Variants in ABHD12 observed in about 807,000 individuals in gnomAD.
ABHD12 encodes the protein abhydrolase domain containing 12, lysophospholipase.
ABHD12 carries 43 observed loss-of-function variants against 58.3 expected under a neutral mutation model. The observed-to-expected ratio is 0.74, with a 90% CI of 0.58 to 0.95. The LOEUF is 0.95. Ranked by LOEUF, ABHD12 falls within the 40% of genes least tolerant of loss-of-function variation. The pLI is 0.00. For missense variants in ABHD12, 539 were observed against 537.2 expected, an observed-to-expected ratio of 1.00 and a Z score of -0.03; for synonymous variants, 219 against 211.2, an observed-to-expected ratio of 1.04 and a Z score of -0.32.
chr20:25,370,794 G>C (rs1366321948), intron 1 of ABHD12, among the ~76,000 whole-genome samples: 2 of 151,838 alleles, frequency 1.3e-5, no homozygotes, highest in African/African-American at 4.8e-5. Context: ...ACGGTATCTG[G>C]TACACAGTTC....
At position 25,353,637 on chromosome 20, in the gene ABHD12, C is replaced by T. The variant is rs146459761; in HGVS notation, c.192-14286G>A. Among the ~76,000 whole-genome samples, 15 of 152,318 alleles carry T rather than the reference C, an allele frequency of 9.8e-5. No homozygotes were observed. The East Asian group carries it at 2.9e-3, about 29-fold the overall frequency. ...AGGACTGAGAATGTTAGCTTCTACC[C>T]CCGGCAGGCAGACCCTTGGCTCTTA... On this transcript the variant is annotated intron_variant, in intron 1 of 12. Transcript: ENST00000339157.
At chr20:25,374,339 A>G (rs974049520) in intron 1 of ABHD12, among the ~76,000 whole-genome samples, 42 of 152,194 alleles carry the variant, frequency 2.8e-4, no homozygotes, top group African/African-American at 1.0e-3. Context: ...TTTCTTTAGC[A>G]GTGTTTAATC....
At chr20:25,318,566 C>T (rs904055184) in intron 4 of ABHD12, among the ~76,000 whole-genome samples, 8 of 151,740 alleles carry the variant, frequency 5.3e-5, no homozygotes, top group East Asian at 3.9e-4. Flanking sequence ...GTGGGGGTGG[C>T]GAGGACTGCA....
At chr20:25,375,291 C>A (rs909294036) in intron 1 of ABHD12, among the ~76,000 whole-genome samples, 8 of 152,234 alleles carry the variant, frequency 5.3e-5, no homozygotes, top group African/African-American at 1.9e-4. Context: ...GTAGCCCTCA[C>A]AAACCCATAC....
rs2089336642 is a variant in ABHD12, at chr20:25,334,865, T to C, written c.316+4362A>G. ...ACCATAAAAACCCTAGAAGAAAACC[T>C]AGGCATTACCATTCAGGACATAGGC... On this transcript the variant is annotated intron_variant, in intron 2 of 12. Coordinates refer to ENST00000339157, the MANE Select transcript of ABHD12 (RefSeq NM_001042472.3). Among the ~76,000 whole-genome samples, 2 of 149,958 alleles carry C rather than the reference T, an allele frequency of 1.3e-5. 1 individual carries two copies. The highest frequency in any genetic ancestry group is 1.3e-4 in the Admixed American group (2 of 15,054).
At chr20:25,318,697 T>C (rs1210146893) in intron 4 of ABHD12, among the ~76,000 whole-genome samples, 1 of 151,442 alleles carries the variant, frequency 6.6e-6, no homozygotes. Flanking sequence ...TGATGGGCAC[T>C]GCAGAACTGA....
At chr20:25,297,556 G>C (rs199565904), downstream of ABHD12, 2 of 152,310 alleles carry the variant, frequency 1.3e-5, no homozygotes, top group Non-Finnish European at 2.9e-5. Context: ...ACCCATTTGT[G>C]CTCTGCTTGG....
rs1021848603 is a variant in ABHD12, at chr20:25,323,534, C to A, written c.317-104G>T. The A allele has an allele frequency of 1.2e-5, 9 of 767,032 alleles. No individual in the cohort carries two copies. In the Middle Eastern group the frequency reaches 1.9e-3, roughly 164 times the overall value. The allele number at this position is 767,032 out of a possible 1,614,324, so 47.5% of individuals were successfully genotyped here. On this transcript the variant is annotated intron_variant, in intron 2 of 12. Coordinates refer to ENST00000339157, the MANE Select transcript of ABHD12 (RefSeq NM_001042472.3). ...ACACGTGCACAGATATGCATCCACACGTGCACACACACACATGCACACCCA... is the reference window on the plus strand; with the variant it reads ...ACACGTGCACAGATATGCATCCACAAGTGCACACACACACATGCACACCCA...
rs149899781 is a variant in ABHD12 at position 25,323,003 on chromosome 20, G to A, written c.422+322C>T. Reference sequence around the variant, plus strand: ...CTCCCAAAGTGCTGGGATTACAGGTGTGAGCCACTGTGCCGGCCACTTATA... The same window carrying A: ...CTCCCAAAGTGCTGGGATTACAGGTATGAGCCACTGTGCCGGCCACTTATA... On this transcript the variant is annotated intron_variant, in intron 3 of 12. Transcript: ENST00000339157. 1.3e-3 allele frequency among the ~76,000 whole-genome samples: 205 copies of A among 152,340 alleles called. 1 individual carries two copies. Among genetic ancestry groups the A allele is most frequent in the African/African-American group, 4.6e-3 (193 of 41,574 alleles).
intron 1 of ABHD12, among the ~76,000 whole-genome samples, chr20:25,348,038 C>T (rs546915906): frequency 7.1e-4 from 107 of 151,710 alleles, no homozygotes; most frequent in Non-Finnish European, 1.3e-3. Context: ...GGTGAAAACC[C>T]GTCTCTATCA....
chr20:25,306,955 A>T, intron 9 of ABHD12, 40 bp from the exon 10 acceptor site: 1 of 1,462,892 alleles, frequency 6.8e-7, no homozygotes, highest in Non-Finnish European at 9.5e-7. Context: ...AGCGTTGGTT[A>T]AGATATCCAG....
At chr20:25,380,740 G>A (rs1415142197) in intron 1 of ABHD12, among the ~76,000 whole-genome samples, 1 of 152,078 alleles carries the variant, frequency 6.6e-6, no homozygotes, top group Non-Finnish European at 1.5e-5. Context: ...TGACTCCTCT[G>A]TCCTGACTTG....
At chr20:25,362,405 A>G (rs2089761732) in intron 1 of ABHD12, among the ~76,000 whole-genome samples, 1 of 151,268 alleles carries the variant, frequency 6.6e-6, no homozygotes, top group South Asian at 2.1e-4. Flanking sequence ...CGTGTCTACT[A>G]AAAATACAAA....
At chr20:25,295,311 C>T (rs1209940802), downstream of ABHD12, among the ~76,000 whole-genome samples, 1 of 152,276 alleles carries the variant, frequency 6.6e-6, no homozygotes, top group Non-Finnish European at 1.5e-5. Context: ...GCAGCTCTAA[C>T]TGCCCTGCGT....
At chr20:25,382,146 A>C (rs1168774923) in intron 1 of ABHD12, among the ~76,000 whole-genome samples, 1 of 152,216 alleles carries the variant, frequency 6.6e-6, no homozygotes, top group Non-Finnish European at 1.5e-5. Context: ...AACTCACCCA[A>C]GCCAGAGAAT....
At chr20:25,383,440 T>C (rs2090045780) in intron 1 of ABHD12, among the ~76,000 whole-genome samples, 1 of 152,228 alleles carries the variant, frequency 6.6e-6, no homozygotes, top group African/African-American at 2.4e-5. Context: ...GTACATCTCA[T>C]GACTGCCTTC....
intron 1 of ABHD12, among the ~76,000 whole-genome samples, chr20:25,380,014 G>A (rs1383247874): frequency 6.6e-6 from 1 of 152,210 alleles, no homozygotes; most frequent in African/African-American, 2.4e-5. Flanking sequence ...GTGTGCCACC[G>A]CACCTGGCCT....
rs74463321 is a variant in ABHD12 at position 25,376,787 on chromosome 20, G to A, written c.191+13726C>T. On this transcript the variant is annotated intron_variant, in intron 1 of 12. Transcript: ENST00000339157. ...AGCCTTCAGTGAAGGCTAGGTCAAC[G>A]AAAAAGACATACTTGCTAAATGGAT... is the stretch of plus-strand genomic sequence containing the variant. Among the ~76,000 whole-genome samples, 1,377 of 152,186 alleles carry A rather than the reference G, an allele frequency of 9.0e-3. 20 individuals are homozygous for A. The highest frequency in any genetic ancestry group is 0.029 in the African/African-American group (1,195 of 41,482).
Position 25,381,669 on chromosome 20 carries a change from C to T in ABHD12, c.191+8844G>A, listed in dbSNP as rs191941083. ...TTGTTTTGTTTTTGAGACAAAGTCT[C>T]GCTCTGTCACCCAAGCTGGAGTGCA... On this transcript the variant is annotated intron_variant, in intron 1 of 12. Coordinates refer to ENST00000339157, the MANE Select transcript of ABHD12 (RefSeq NM_001042472.3). Among the ~76,000 whole-genome samples the T allele has an allele frequency of 4.7e-5, 7 of 149,160 alleles. No individual in the cohort carries two copies. In the East Asian group the frequency reaches 9.7e-4, roughly 21 times the overall value.
Sources: allele counts gnomAD v4.1 joint callset (sites outside exome capture counted in the v4.1 genomes callset), GRCh38; gene constraint gnomAD v4.1.1; transcripts MANE v1.5; gene names NCBI Gene and HGNC (gene_info 2026-07-23, HGNC 2026-07-21).